EDIL3: variants seen among roughly 807,000 people sequenced by gnomAD.
EDIL3 encodes EGF like and discoidin domains 3, also known as EGF-like repeat and discoidin I-like domain-containing protein 3.
EDIL3 carries 37 observed loss-of-function variants against 67.4 expected under a neutral mutation model. The ratio of observed to expected loss-of-function variants is 0.55; its 90% CI spans 0.42 to 0.72. The LOEUF is 0.72. Ranked by LOEUF, EDIL3 falls within the 30% of genes least tolerant of loss-of-function variation. The probability of loss-of-function intolerance (pLI) is 0.00; values close to 1 mark genes in which losing one functional copy is unlikely to be tolerated. For synonymous variants in EDIL3, 195 were observed against 196.3 expected (o/e 0.99, Z 0.05); for missense variants, 527 against 586.3 (o/e 0.90, Z 1.04).
At chr5:83,968,542 G>A (rs1744736168) in intron 9 of EDIL3, among the ~76,000 whole-genome samples, 1 of 151,872 alleles carries the variant, frequency 6.6e-6, no homozygotes, top group Non-Finnish European at 1.5e-5. Context: ...AACCATGTAC[G>A]ACACATGTAT....
chr5:84,076,059 C>T (rs1746851028), intron 6 of EDIL3, among the ~76,000 whole-genome samples: 1 of 150,344 alleles, frequency 6.7e-6, no homozygotes, highest in South Asian at 2.1e-4. Flanking sequence ...TAAATATTAC[C>T]ATTAACACTA....
At chr5:84,184,498 T>A (rs896502467) in intron 3 of EDIL3, among the ~76,000 whole-genome samples, 1 of 152,226 alleles carries the variant, frequency 6.6e-6, no homozygotes, top group East Asian at 1.9e-4. Context: ...TTTGCACAGA[T>A]GCTATGTGAA....
chr5:83,947,804 C>T (rs1016778247), intron 10 of EDIL3, among the ~76,000 whole-genome samples: 1 of 151,858 alleles, frequency 6.6e-6, no homozygotes, highest in African/African-American at 2.4e-5. Flanking sequence ...CTTAGCTCAT[C>T]AAAAGAACTT....
chr5:84,026,095 G>C (rs2112197343), intron 9 of EDIL3, among the ~76,000 whole-genome samples: 1 of 152,278 alleles, frequency 6.6e-6, no homozygotes, highest in South Asian at 2.1e-4. Context: ...TAGAAATGCA[G>C]AATATATGGA....
chr5:84,344,806 T>C (rs1215635441), intron 1 of EDIL3, among the ~76,000 whole-genome samples: 2 of 152,188 alleles, frequency 1.3e-5, no homozygotes, highest in East Asian at 1.9e-4. Context: ...ATGTGGTTTA[T>C]GTTATATTTC....
intron 5 of EDIL3, among the ~76,000 whole-genome samples, chr5:84,109,164 T>G (rs7711667): frequency 8.3e-4 from 126 of 152,270 alleles, no homozygotes; most frequent in African/African-American, 2.9e-3. Context: ...GCCATAAGGT[T>G]CCAAATCTTT....
chr5:84,268,462 T>C (rs1745394812), intron 1 of EDIL3, among the ~76,000 whole-genome samples: 2 of 152,190 alleles, frequency 1.3e-5, no homozygotes, highest in Admixed American at 6.5e-5. Flanking sequence ...ATATTTAAAA[T>C]GACACAGCAA....
At chr5:84,290,600 T>C (rs528372632) in intron 1 of EDIL3, among the ~76,000 whole-genome samples, 2 of 152,292 alleles carry the variant, frequency 1.3e-5, no homozygotes, top group African/African-American at 2.4e-5. Context: ...TTACCAGAGA[T>C]GGTGAGTCAA....
At chr5:84,153,654 G>T (rs1748439070) in intron 4 of EDIL3, among the ~76,000 whole-genome samples, 1 of 152,028 alleles carries the variant, frequency 6.6e-6, no homozygotes, top group African/African-American at 2.4e-5. Context: ...GTAGAGATGG[G>T]ATTTCACCAT....
intron 3 of EDIL3, among the ~76,000 whole-genome samples, chr5:84,218,617 G>A (rs1379154183): frequency 1.3e-5 from 2 of 152,188 alleles, no homozygotes; most frequent in African/African-American, 2.4e-5. Flanking sequence ...CTGAGAGCCC[G>A]ATTCCAGGCC....
At chr5:84,010,150 G>C (rs1745492714) in intron 9 of EDIL3, among the ~76,000 whole-genome samples, 1 of 152,192 alleles carries the variant, frequency 6.6e-6, no homozygotes. Flanking sequence ...TTTCAGGCTT[G>C]TGTTTGGGGT....
At chr5:84,177,083 C>G (rs575514509) in intron 4 of EDIL3, among the ~76,000 whole-genome samples, 53 of 152,180 alleles carry the variant, frequency 3.5e-4, no homozygotes, top group African/African-American at 1.2e-3. Context: ...AATTGCACTA[C>G]TAGGTATTTG....
chr5:84,262,659 G>GTTTTTTTTTGTTTTTTTTTTTTTTTT (rs1745251371), intron 1 of EDIL3, among the ~76,000 whole-genome samples: 1 of 46,310 alleles, frequency 2.2e-5, no homozygotes, highest in African/African-American at 8.7e-5. Context: ...AGGTTGGTTG[G>GTTTTTTTTTGTTTTTTTTTTTTTTTT]TTTTTTTTTT....
chr5:84,143,196 C>G (rs1748234631), intron 4 of EDIL3, among the ~76,000 whole-genome samples: 1 of 152,030 alleles, frequency 6.6e-6, no homozygotes, highest in African/African-American at 2.4e-5. Flanking sequence ...TCAGAATTAT[C>G]TAGATAATTT....
chr5:84,202,950 C>A (rs1186668969), intron 3 of EDIL3, among the ~76,000 whole-genome samples: 1 of 151,926 alleles, frequency 6.6e-6, no homozygotes, highest in Non-Finnish European at 1.5e-5. Flanking sequence ...ACAAATAAAG[C>A]CTGAGAGATA....
intron 3 of EDIL3, among the ~76,000 whole-genome samples, chr5:84,207,199 C>T (rs1744000761): frequency 6.6e-6 from 1 of 152,178 alleles, no homozygotes; most frequent in South Asian, 2.1e-4. Flanking sequence ...TCAGCAAAGT[C>T]TCAGAATACA....
At position 84,229,867 on chromosome 5, in the gene EDIL3, G is replaced by A; in HGVS notation, c.214C>T (p.Pro72Ser). ...ATAGGAACTTTACCTGCTGAAGTTG[G>A]TTCTTCTTCATCTGATGCTATGATA... Reference protein sequence around the residue: ...VVEVASDEEEPTSAGPCTPNP... With the variant: ...VVEVASDEEESTSAGPCTPNP... The change falls in exon 3 of 11, where the codon CCA (proline) becomes TCA (serine). Residue 72 changes from proline (P) to serine (S), a missense_variant. Coordinates refer to ENST00000296591, the MANE Select transcript of EDIL3 (RefSeq NM_005711.5). 1.9e-6 allele frequency: 3 copies of A among 1,573,482 alleles called. No homozygotes were observed. The highest frequency in any genetic ancestry group is 1.7e-6 in the Non-Finnish European group (2 of 1,154,966).
At chr5:84,301,640 T>C (rs1053996561) in intron 1 of EDIL3, among the ~76,000 whole-genome samples, 7 of 152,212 alleles carry the variant, frequency 4.6e-5, no homozygotes, top group African/African-American at 1.4e-4. Context: ...AATGAAACTA[T>C]GGCTGCACAG....
At chr5:84,284,494 C>T (rs1469149620) in intron 1 of EDIL3, among the ~76,000 whole-genome samples, 3 of 152,060 alleles carry the variant, frequency 2.0e-5, no homozygotes, top group Admixed American at 6.6e-5. Context: ...TCACCAGCAC[C>T]TAGCATGCTA....
Sources: allele counts gnomAD v4.1 joint callset (sites outside exome capture counted in the v4.1 genomes callset), GRCh38; gene constraint gnomAD v4.1.1; transcripts MANE v1.5; gene names NCBI Gene and HGNC (gene_info 2026-07-23, HGNC 2026-07-21).